The following PCDH15 variants were observed in gnomAD, a reference collection of about 807,000 sequenced individuals.
PCDH15 encodes protocadherin-15.
PCDH15 carries 129 observed loss-of-function variants against 178.5 expected under a neutral mutation model. The ratio of observed to expected loss-of-function variants is 0.72; its 90% CI spans 0.63 to 0.84. PCDH15 has a LOEUF of 0.84. PCDH15 is among the 40% of genes least tolerant of loss of function. PCDH15 has a pLI of 0.00. For synonymous variants in PCDH15, 800 were observed against 732.0 expected (o/e 1.09, Z -1.50); for missense variants, 2,230 against 2,099.9 (o/e 1.06, Z -1.21).
chr10:54,814,954 T>A (rs1298960606), intron 3 of PCDH15, among the ~76,000 whole-genome samples: 1 of 152,112 alleles, frequency 6.6e-6, no homozygotes, highest in African/African-American at 2.4e-5. Flanking sequence ...TCTTATACTT[T>A]TCAGTTAAAT....
At chr10:54,214,833 C>T (rs2051835769) in intron 9 of PCDH15, among the ~76,000 whole-genome samples, 1 of 152,190 alleles carries the variant, frequency 6.6e-6, no homozygotes, top group Non-Finnish European at 1.5e-5. Flanking sequence ...TCTGGTGATA[C>T]ACCCACCTCA....
At chr10:54,501,600 A>G (rs555106024) in intron 3 of PCDH15, among the ~76,000 whole-genome samples, 2 of 152,258 alleles carry the variant, frequency 1.3e-5, no homozygotes, top group East Asian at 3.9e-4. Context: ...ATACACAATG[A>G]CAAATGACAG....
intron 14 of PCDH15, among the ~76,000 whole-genome samples, chr10:54,150,983 T>A (rs932264482): frequency 2.6e-5 from 4 of 152,276 alleles, no homozygotes; most frequent in Non-Finnish European, 4.4e-5. Context: ...ATAGGAGCTA[T>A]AGTAAGATCA....
At chr10:54,071,736 A>C (rs1375805636) in intron 17 of PCDH15, among the ~76,000 whole-genome samples, 1 of 152,134 alleles carries the variant, frequency 6.6e-6, no homozygotes, top group African/African-American at 2.4e-5. Flanking sequence ...TTCATTAAGA[A>C]AGCAGAAAAC....
intron 3 of PCDH15, among the ~76,000 whole-genome samples, chr10:54,454,151 T>A (rs2076663260): frequency 6.7e-6 from 1 of 149,530 alleles, no homozygotes; most frequent in African/African-American, 2.4e-5. Context: ...CAAAATAGAT[T>A]TATATAGTTT....
At chr10:55,036,024 T>C (rs952373539) in intron 2 of PCDH15, among the ~76,000 whole-genome samples, 3 of 152,076 alleles carry the variant, frequency 2.0e-5, no homozygotes, top group African/African-American at 7.2e-5. Flanking sequence ...AGAAACTTAA[T>C]CCCCCAAGGA....
chr10:54,573,840 C>G (rs1030950838), intron 2 of PCDH15, among the ~76,000 whole-genome samples: 3 of 152,146 alleles, frequency 2.0e-5, no homozygotes, highest in Non-Finnish European at 4.4e-5. Flanking sequence ...TCCTTTGTAG[C>G]AGTCCCTGCA....
chr10:53,988,786 G>A (rs2091277717), intron 21 of PCDH15, among the ~76,000 whole-genome samples: 2 of 151,866 alleles, frequency 1.3e-5, no homozygotes, highest in Non-Finnish European at 2.9e-5. Flanking sequence ...CTTGTTTAAA[G>A]TATGTTGGGA....
chr10:55,182,104 A>G (rs779312616), intron 1 of PCDH15, among the ~76,000 whole-genome samples: 1 of 151,938 alleles, frequency 6.6e-6, no homozygotes, highest in Admixed American at 6.6e-5. Flanking sequence ...GGGAGAAAAC[A>G]AGATTCTTGG....
At chr10:55,616,213 T>C (rs1161897470) in intron 2 of PCDH15, among the ~76,000 whole-genome samples, 2 of 152,160 alleles carry the variant, frequency 1.3e-5, no homozygotes, top group Non-Finnish European at 2.9e-5. Context: ...AAAATCACTT[T>C]TAAATAATTG....
chr10:55,399,958 T>C (rs1464592913), intron 2 of PCDH15, among the ~76,000 whole-genome samples: 1 of 152,148 alleles, frequency 6.6e-6, no homozygotes, highest in Non-Finnish European at 1.5e-5. Flanking sequence ...CTTAATATCA[T>C]TCTTCCAACT....
At chr10:54,655,852 T>TG (rs2094394847) in intron 2 of PCDH15, 2 of 152,170 alleles carry the variant, frequency 1.3e-5, no homozygotes, top group Non-Finnish European at 2.9e-5. Context: ...AAGACATAGC[T>TG]GAGATTTCAT....
At chr10:53,878,972 T>G (rs751845654) in intron 26 of PCDH15, among the ~76,000 whole-genome samples, 2 of 152,190 alleles carry the variant, frequency 1.3e-5, no homozygotes, top group Non-Finnish European at 2.9e-5. Flanking sequence ...GAATATTCAC[T>G]CGGGTGTAAA....
chr10:55,217,885 C>T (rs898268265), intron 1 of PCDH15, among the ~76,000 whole-genome samples: 14 of 151,918 alleles, frequency 9.2e-5, no homozygotes, highest in African/African-American at 2.9e-4. Context: ...ATTCTTTTTA[C>T]TTGTTAGTCT....
At chr10:55,001,957 T>C (rs72800077) in intron 2 of PCDH15, among the ~76,000 whole-genome samples, 4,215 of 152,310 alleles carry the variant, frequency 0.028, 90 homozygotes, top group Admixed American at 0.057. Context: ...AATGTGAGAC[T>C]TTCTGGTAAT....
intron 1 of PCDH15, among the ~76,000 whole-genome samples, chr10:54,678,016 C>G (rs2094823635): frequency 6.6e-6 from 1 of 152,058 alleles, no homozygotes; most frequent in Admixed American, 6.5e-5. Flanking sequence ...AATATATGCA[C>G]TCACCATAAA....
intron 13 of PCDH15, among the ~76,000 whole-genome samples, chr10:54,167,794 G>A (rs12781128): frequency 5.1e-4 from 12 of 23,582 alleles, no homozygotes; most frequent in African/African-American, 1.9e-3. Context: ...CCCCAACCTC[G>A]TATCTCTGTG....
intron 17 of PCDH15, among the ~76,000 whole-genome samples, chr10:54,078,614 C>G (rs2094384474): frequency 6.6e-6 from 1 of 151,322 alleles, no homozygotes; most frequent in Non-Finnish European, 1.5e-5. Context: ...AATCACCTAA[C>G]ACATGGCATA....
chr10:54,259,223 G>C (rs2057140444), intron 8 of PCDH15, among the ~76,000 whole-genome samples: 1 of 152,170 alleles, frequency 6.6e-6, no homozygotes, highest in Non-Finnish European at 1.5e-5. Flanking sequence ...GCCTTGAAAA[G>C]AAAATTGCTT....
Sources: allele counts gnomAD v4.1 joint callset (sites outside exome capture counted in the v4.1 genomes callset), GRCh38; gene constraint gnomAD v4.1.1; transcripts MANE v1.5; gene names NCBI Gene and HGNC (gene_info 2026-07-23, HGNC 2026-07-21).